SULF2: variants seen among roughly 807,000 people sequenced by gnomAD.
SULF2 encodes extracellular sulfatase Sulf-2.
SULF2 carries 52 observed loss-of-function variants against 107.7 expected under a neutral mutation model. The ratio of observed to expected loss-of-function variants is 0.48; its 90% confidence interval spans 0.39 to 0.61. The LOEUF (loss-of-function observed/expected upper bound fraction) is 0.61, where lower values mean the gene tolerates loss of function less well. SULF2 is among the 20% of genes least tolerant of loss of function. The pLI is 0.00. For synonymous variants in SULF2, 460 were observed against 464.3 expected, an observed-to-expected ratio of 0.99 and a Z score of 0.12; for missense variants, 993 against 1,177.3, an observed-to-expected ratio of 0.84 and a Z score of 2.29.
At position 47,678,809 on chromosome 20, in the gene SULF2, G is replaced by C; in HGVS notation, c.1065-5C>G. On this transcript the variant is annotated splice_region_variant and splice_polypyrimidine_tract_variant and intron_variant, in intron 7 of 20. Coordinates refer to ENST00000688720, the MANE Select transcript of SULF2 (RefSeq NM_001387048.1). This position sits in a 1 kb window ranked among gnomAD's most constrained non-coding sequence, Gnocchi z 4.5. ...TTGAGGACGATGTGGGGATTCCTGG[G>C]GGAGGCAGGAGATCGGGGACTCAGT... 1.2e-6 allele frequency: 2 copies of C among 1,612,838 alleles called. No homozygotes were observed. Among genetic ancestry groups the C allele is most frequent in the Non-Finnish European group, 1.7e-6 (2 of 1,179,298 alleles).
intron 6 of SULF2, 113 bp downstream of exon 6, chr20:47,684,305 GGCCTCTTCATTCT>G: frequency 6.8e-6 from 7 of 1,032,704 alleles, no homozygotes; most frequent in Non-Finnish European, 9.5e-6. Flanking sequence ...TAGCACATGG[GGCCTCTTCATTCT>G]GCCTTTGATT....
At chr20:47,742,810 G>A (rs1267578912) in intron 2 of SULF2, among the ~76,000 whole-genome samples, 2 of 151,920 alleles carry the variant, frequency 1.3e-5, no homozygotes, top group Admixed American at 6.6e-5. Flanking sequence ...AGATGACGAC[G>A]TTGCCAGTGT....
chr20:47,785,772 C>A (rs1205192716), upstream of SULF2: 1 of 148,474 alleles, frequency 6.7e-6, no homozygotes, highest in African/African-American at 2.4e-5. Context: ...CGGCTGGGGC[C>A]CGGGGCGCGG....
At chr20:47,721,132 GTTC>G (rs372526584) in intron 3 of SULF2, among the ~76,000 whole-genome samples, 3 of 107,378 alleles carry the variant, frequency 2.8e-5, no homozygotes, top group African/African-American at 6.9e-5. Flanking sequence ...CCTGAGTCGA[GTTC>G]TTCTGCTTTT....
At chr20:47,695,708 G>T (rs894791112) in intron 4 of SULF2, among the ~76,000 whole-genome samples, 1 of 152,190 alleles carries the variant, frequency 6.6e-6, no homozygotes, top group Non-Finnish European at 1.5e-5. Flanking sequence ...CTGCCTCCTG[G>T]GTTCAAGCGA....
In SULF2 at chr20:47,747,802, G is replaced by A. The variant is rs145902885; in HGVS notation, c.175+9387C>T. ...AAATGGCACTGCCATCTGCCCAACG[G>A]CTCAGCCAAAAACCTAGGAGTCATC... On this transcript the variant is annotated intron_variant, in intron 2 of 20. Transcript: ENST00000688720. 8.0e-3 allele frequency among the ~76,000 whole-genome samples: 1,212 copies of A among 151,848 alleles called. 10 individuals carry two copies. The highest frequency in any genetic ancestry group is 0.011 in the Non-Finnish European group (777 of 67,936).
intron 1 of SULF2, among the ~76,000 whole-genome samples, chr20:47,784,766 G>C (rs1432440028): frequency 6.6e-6 from 1 of 152,208 alleles, no homozygotes; most frequent in Non-Finnish European, 1.5e-5. Context: ...AAACCCCGAG[G>C]AGCCGGGGAG....
At chr20:47,696,404 C>CT (rs984943434) in intron 4 of SULF2, among the ~76,000 whole-genome samples, 7 of 151,210 alleles carry the variant, frequency 4.6e-5, no homozygotes, top group South Asian at 2.1e-4. Context: ...TCCTTACCAC[C>CT]CCCCCACCCC....
At chr20:47,779,324 AC>A (rs1322889232) in intron 1 of SULF2, among the ~76,000 whole-genome samples, 2 of 152,104 alleles carry the variant, frequency 1.3e-5, no homozygotes, top group Non-Finnish European at 2.9e-5. Flanking sequence ...TGTCAAAATC[AC>A]CCTCGGTTGA....
At chr20:47,679,565 A>C (rs1602625788) in intron 7 of SULF2, among the ~76,000 whole-genome samples, 1 of 152,326 alleles carries the variant, frequency 6.6e-6, no homozygotes, top group East Asian at 1.9e-4. Flanking sequence ...ATCAGCAGCT[A>C]GACTGTGAGC....
chr20:47,712,472 T>G (rs2088964645), intron 3 of SULF2, among the ~76,000 whole-genome samples: 1 of 152,222 alleles, frequency 6.6e-6, no homozygotes, highest in Non-Finnish European at 1.5e-5. Flanking sequence ...TCTCTGAAAT[T>G]ATCCTATAGA....
rs1829769122 is a variant in SULF2 at position 47,664,181 on chromosome 20, G to A, written c.2006C>T (p.Thr669Ile). The A allele has an allele frequency of 6.2e-7, 1 of 1,612,412 alleles. No individual in the cohort carries two copies. Among genetic ancestry groups the A allele is most frequent in the African/African-American group, 1.3e-5 (1 of 74,892 alleles). Residue 669 changes from threonine (T) to isoleucine (I), a missense_variant, in exon 15 of 21, where the codon ACC becomes ATC. This residue lies in a region of SULF2 where 497 missense variants were observed against 544.1 expected (regional missense o/e 0.91). Coordinates refer to ENST00000688720, the MANE Select transcript of SULF2 (RefSeq NM_001387048.1). ...GTGCTTGAGGCGGCCTTTGTGCTGGGTGTGGTAGCTGTAACAGACCCCCCC... is the reference window on the plus strand; with the variant it reads ...GTGCTTGAGGCGGCCTTTGTGCTGGATGTGGTAGCTGTAACAGACCCCCCC... ...ECDCHKISYH[T>I]QHKGRLKHRG...
chr20:47,734,296 G>A (rs1354220412), intron 3 of SULF2, among the ~76,000 whole-genome samples: 2 of 152,198 alleles, frequency 1.3e-5, no homozygotes, highest in Non-Finnish European at 2.9e-5. Flanking sequence ...AGGTGGCCAC[G>A]TGAACACAGG....
At chr20:47,755,290 C>T (rs1400761264) in intron 2 of SULF2, among the ~76,000 whole-genome samples, 3 of 152,208 alleles carry the variant, frequency 2.0e-5, no homozygotes, top group African/African-American at 4.8e-5. Context: ...TTCATACCTG[C>T]TATTGGTTTC....
intron 1 of SULF2, among the ~76,000 whole-genome samples, chr20:47,780,155 T>A (rs1046698833): frequency 6.7e-6 from 1 of 149,796 alleles, no homozygotes; most frequent in African/African-American, 2.5e-5. Context: ...TAGCTGGGAC[T>A]ACAGGCACGT....
At chr20:47,758,111 C>CGT (rs1956400247) in intron 1 of SULF2, among the ~76,000 whole-genome samples, 1 of 149,954 alleles carries the variant, frequency 6.7e-6, no homozygotes, top group Admixed American at 6.6e-5. Context: ...GCTGGGGATG[C>CGT]GTGTGAAAGC....
At chr20:47,691,197 C>A (rs1381394032) in intron 4 of SULF2, among the ~76,000 whole-genome samples, 1 of 152,036 alleles carries the variant, frequency 6.6e-6, no homozygotes, top group African/African-American at 2.4e-5. Flanking sequence ...TACACTGGGG[C>A]AGGAGCAGAC....
At chr20:47,773,429 GAAGT>G (rs2090667761) in intron 1 of SULF2, among the ~76,000 whole-genome samples, 1 of 152,228 alleles carries the variant, frequency 6.6e-6, no homozygotes, top group Non-Finnish European at 1.5e-5. Context: ...ATGAACGGAG[GAAGT>G]AAGTGCAAAG....
intron 1 of SULF2, among the ~76,000 whole-genome samples, chr20:47,777,252 G>C: frequency 6.6e-6 from 1 of 152,198 alleles, no homozygotes; most frequent in East Asian, 1.9e-4. Context: ...CCCAGTGTTT[G>C]ATTTAGAGGT....
Sources: gnomAD v4.1 joint callset for allele counts (sites outside exome capture counted in the v4.1 genomes callset) on GRCh38, gnomAD v4.1.1 for gene constraint, gnomAD v4.1.1 regional missense constraint, Gnocchi (gnomAD v3.1) non-coding constraint, MANE v1.5 for transcripts, NCBI Gene and HGNC (gene_info 2026-07-23, HGNC 2026-07-21) for gene names.